The following NEK1 variants were observed in gnomAD, a reference collection of about 807,000 sequenced individuals.
NEK1 encodes the protein serine/threonine-protein kinase Nek1.
Under a neutral mutation model 182.1 loss-of-function variants are expected in NEK1, and 137 were observed. The observed-to-expected ratio is 0.75, with a 90% CI of 0.65 to 0.87. The LOEUF (loss-of-function observed/expected upper bound fraction) is 0.87, where lower values mean the gene tolerates loss of function less well. NEK1 is among the 40% of genes least tolerant of loss of function. NEK1 has a pLI of 0.00. For missense variants in NEK1, 1,391 were observed against 1,494.4 expected (o/e 0.93, Z 1.14); for synonymous variants, 513 against 492.2 (o/e 1.04, Z -0.56).
At chr4:169,427,653 C>T (rs1273203505) in intron 29 of NEK1, among the ~76,000 whole-genome samples, 1 of 151,808 alleles carries the variant, frequency 6.6e-6, no homozygotes, top group Non-Finnish European at 1.5e-5. Flanking sequence ...TGCCACTGCA[C>T]CCAGCTAATT....
chr4:169,438,790 T>A (rs192888525), intron 27 of NEK1, among the ~76,000 whole-genome samples: 200 of 152,336 alleles, frequency 1.3e-3, no homozygotes, highest in Admixed American at 2.3e-3. Flanking sequence ...ATAACTAATT[T>A]AGGTGATTTC....
At chr4:169,610,159 A>C (rs1349009278) in intron 2 of NEK1, among the ~76,000 whole-genome samples, 3 of 151,574 alleles carry the variant, frequency 2.0e-5, no homozygotes, top group African/African-American at 7.3e-5. Context: ...GTGACACCAT[A>C]CCCAGCTAAT....
chr4:169,533,993 G>A (rs895331002), intron 19 of NEK1, among the ~76,000 whole-genome samples: 1 of 152,160 alleles, frequency 6.6e-6, no homozygotes, highest in Non-Finnish European at 1.5e-5. Flanking sequence ...AGAGTTATGA[G>A]AAAGGAAAGA....
At chr4:169,542,924 C>A (rs1453493971) in intron 18 of NEK1, among the ~76,000 whole-genome samples, 2 of 151,958 alleles carry the variant, frequency 1.3e-5, no homozygotes, top group Non-Finnish European at 2.9e-5. Context: ...AATTTTTCTC[C>A]CATTCTGTAG....
At chr4:169,523,364 T>TA (rs753196354) in intron 19 of NEK1, among the ~76,000 whole-genome samples, 1 of 152,192 alleles carries the variant, frequency 6.6e-6, no homozygotes, top group Non-Finnish European at 1.5e-5. Flanking sequence ...GAATAGGTCC[T>TA]AATTCAGTAG....
intron 31 of NEK1, among the ~76,000 whole-genome samples, chr4:169,414,774 G>A (rs189373437): frequency 6.6e-6 from 1 of 152,124 alleles, no homozygotes; most frequent in East Asian, 1.9e-4. Context: ...CATTCTTCAC[G>A]GTACCCACAT....
chr4:169,455,634 T>C (rs1374362581), intron 27 of NEK1, among the ~76,000 whole-genome samples: 1 of 151,474 alleles, frequency 6.6e-6, no homozygotes, highest in Non-Finnish European at 1.5e-5. Flanking sequence ...ATTATTAGAG[T>C]CAAAGTGAGA....
chr4:169,586,280 A>G (rs1300365081), intron 9 of NEK1, among the ~76,000 whole-genome samples: 1 of 152,058 alleles, frequency 6.6e-6, no homozygotes, highest in African/African-American at 2.4e-5. Flanking sequence ...TATTAATAAA[A>G]TAAAATGTAC....
intron 5 of NEK1, among the ~76,000 whole-genome samples, chr4:169,594,684 A>T (rs969306918): frequency 1.4e-4 from 22 of 152,158 alleles, no homozygotes; most frequent in African/African-American, 4.8e-4. Flanking sequence ...TAGAAAAAAA[A>T]TTTTCAGGAT....
At chr4:169,469,196 TTTAA>T (rs1187023050) in intron 26 of NEK1, among the ~76,000 whole-genome samples, 1 of 152,202 alleles carries the variant, frequency 6.6e-6, no homozygotes. Flanking sequence ...CTCTAGTTCT[TTTAA>T]TTGTGATATT....
intron 10 of NEK1, among the ~76,000 whole-genome samples, chr4:169,581,439 A>G (rs1354793814): frequency 6.6e-6 from 1 of 151,880 alleles, no homozygotes; most frequent in Non-Finnish European, 1.5e-5. Flanking sequence ...GCTGATTTAA[A>G]AAAAATTTTT....
At chr4:169,500,922 C>A (rs1372419067) in intron 23 of NEK1, among the ~76,000 whole-genome samples, 1 of 152,136 alleles carries the variant, frequency 6.6e-6, no homozygotes, top group Non-Finnish European at 1.5e-5. Context: ...TAACGCTGAA[C>A]ATAAATGGCC....
chr4:169,522,995 G>C (rs1305634954), intron 19 of NEK1, among the ~76,000 whole-genome samples: 1 of 152,192 alleles, frequency 6.6e-6, no homozygotes, highest in Non-Finnish European at 1.5e-5. Context: ...GAGGTCTCTA[G>C]CCAGCTCACC....
intron 27 of NEK1, among the ~76,000 whole-genome samples, chr4:169,445,425 T>TA (rs917203833): frequency 6.6e-6 from 1 of 151,002 alleles, no homozygotes; most frequent in Admixed American, 6.6e-5. Flanking sequence ...ACCCTGTTTA[T>TA]AAAAAAAAGA....
chr4:169,584,858 T>C (rs1732484478), intron 10 of NEK1, among the ~76,000 whole-genome samples: 1 of 152,054 alleles, frequency 6.6e-6, no homozygotes, highest in Non-Finnish European at 1.5e-5. Context: ...GAATAACGCA[T>C]AACTGGAAAG....
At chr4:169,509,137 GT>G (rs994162216) in intron 19 of NEK1, among the ~76,000 whole-genome samples, 1 of 151,952 alleles carries the variant, frequency 6.6e-6, no homozygotes, top group African/African-American at 2.4e-5. Context: ...TTGTTTGTTT[GT>G]TTGTTTTAAA....
intron 18 of NEK1, among the ~76,000 whole-genome samples, chr4:169,546,139 C>G (rs887701807): frequency 6.6e-6 from 1 of 152,206 alleles, no homozygotes; most frequent in Non-Finnish European, 1.5e-5. Flanking sequence ...AAATTTCCCT[C>G]TACACACTGC....
intron 2 of NEK1, among the ~76,000 whole-genome samples, chr4:169,608,461 A>T (rs1358795493): frequency 6.6e-6 from 1 of 152,234 alleles, no homozygotes; most frequent in African/African-American, 2.4e-5. Context: ...ACTGAAATGT[A>T]AGAAATAAAA....
intron 27 of NEK1, among the ~76,000 whole-genome samples, chr4:169,445,198 T>G (rs1740269289): frequency 6.6e-6 from 1 of 152,014 alleles, no homozygotes; most frequent in Admixed American, 6.6e-5. Context: ...TGTAGGAGAA[T>G]CCTTGAGGCC....
Sources: gnomAD v4.1 joint callset for allele counts (sites outside exome capture counted in the v4.1 genomes callset) on GRCh38, gnomAD v4.1.1 for gene constraint, MANE v1.5 for transcripts, NCBI Gene and HGNC (gene_info 2026-07-23, HGNC 2026-07-21) for gene names.